Variants in CDH8 observed in about 807,000 individuals in gnomAD.
CDH8 encodes the protein cadherin-8.
A neutral mutation model predicts 68.1 loss-of-function variants in CDH8; 17 were observed. The observed-to-expected ratio is 0.25, with a 90% CI of 0.17 to 0.37. CDH8 has a LOEUF of 0.37. Ranked by LOEUF, CDH8 falls within the 10% of genes least tolerant of loss-of-function variation. The pLI is 1.00. For missense variants in CDH8, 763 were observed against 999.3 expected, an observed-to-expected ratio of 0.76 and a Z score of 3.19; for synonymous variants, 372 against 365.1, an observed-to-expected ratio of 1.02 and a Z score of -0.21.
Position 61,817,645 on chromosome 16 carries a change from GC to G in CDH8, c.1110del (p.Phe372LeufsTer35). On this transcript the variant is annotated frameshift_variant, in exon 7 of 12. Coordinates refer to ENST00000577390, the MANE Select transcript of CDH8 (RefSeq NM_001796.5). LOFTEE classifies it high-confidence loss of function. ...VHIDPRFSGR[G>X]PFKDTATVKI... ...TTGACTGTCGCCGTGTCTTTAAAGG[GC>G]CCCCTGCCACTGAAGCGTGGGTCAA... The G allele has an allele frequency of 6.2e-7, 1 of 1,613,358 alleles. No individual in the cohort carries two copies. Among genetic ancestry groups the G allele is most frequent in the Non-Finnish European group, 8.5e-7 (1 of 1,179,804 alleles).
rs180785025 is a variant in CDH8 at position 61,963,411 on chromosome 16, A to G, written c.252+57741T>C. ...AAATTTATTTCAAAAACAACTTTAT[A>G]TCACCATTGTAACAGCAAACCTGTA... On this transcript the variant is annotated intron_variant, in intron 2 of 11. Coordinates refer to ENST00000577390, the MANE Select transcript of CDH8 (RefSeq NM_001796.5). Among the ~76,000 whole-genome samples the G allele has an allele frequency of 3.3e-4, 51 of 152,356 alleles. No homozygotes were observed. In the East Asian group the frequency reaches 9.4e-3, roughly 28 times the overall value.
At chr16:61,662,071 C>T (rs1207532972) in intron 10 of CDH8, among the ~76,000 whole-genome samples, 47 of 90,258 alleles carry the variant, frequency 5.2e-4, no homozygotes, top group Non-Finnish European at 5.2e-4. Context: ...TTTTTTTTTA[C>T]TTTAGTTTTA....
intron 2 of CDH8, among the ~76,000 whole-genome samples, chr16:61,979,152 AC>A (rs962930554): frequency 6.6e-6 from 1 of 152,090 alleles, no homozygotes; most frequent in African/African-American, 2.4e-5. Context: ...TAAGGTAGGC[AC>A]TCCAATAAAT....
chr16:61,981,736 C>T (rs180814380), intron 2 of CDH8, among the ~76,000 whole-genome samples: 9 of 151,908 alleles, frequency 5.9e-5, no homozygotes, highest in African/African-American at 2.2e-4. Context: ...GGATTCCTGG[C>T]AGATGTGGGA....
At chr16:61,809,869 C>T (rs974234709) in intron 7 of CDH8, among the ~76,000 whole-genome samples, 1 of 152,174 alleles carries the variant, frequency 6.6e-6, no homozygotes, top group African/African-American at 2.4e-5. Flanking sequence ...CCTGTGAAGT[C>T]CTATAGCAAA....
intron 2 of CDH8, among the ~76,000 whole-genome samples, chr16:61,931,415 A>C (rs2143480195): frequency 6.6e-6 from 1 of 152,268 alleles, no homozygotes; most frequent in South Asian, 2.1e-4. Flanking sequence ...GCTTCAAGTG[A>C]TCCTTCCACC....
chr16:61,824,041 T>C (rs1326250607), intron 5 of CDH8, among the ~76,000 whole-genome samples: 2 of 151,876 alleles, frequency 1.3e-5, no homozygotes, highest in African/African-American at 4.8e-5. Context: ...CACTGACAGA[T>C]GAATGGCTAA....
At position 61,817,884 on chromosome 16, in the gene CDH8, T is replaced by C. The variant is rs111256646; in HGVS notation, c.1024-152A>G. ...TCTCCAGTCCCCCAGATTCAACCTG[T>C]AAATTTTATGGGCATTTATTTATGT... is the stretch of plus-strand genomic sequence containing the variant. On this transcript the variant is annotated intron_variant, in intron 6 of 11. Transcript: ENST00000577390. The C allele has an allele frequency of 4.5e-5, 27 of 599,662 alleles. No homozygotes were observed. The African/African-American group carries it at 5.1e-4, about 11-fold the overall frequency. The allele number at this position is 599,662 out of a possible 1,614,324, so 37.1% of individuals were successfully genotyped here.
intron 4 of CDH8, among the ~76,000 whole-genome samples, chr16:61,842,900 G>A (rs1343680200): frequency 2.6e-5 from 4 of 152,128 alleles, no homozygotes; most frequent in Admixed American, 2.6e-4. Flanking sequence ...ATGGTTGCAT[G>A]GAAAAATGAG....
intron 2 of CDH8, among the ~76,000 whole-genome samples, chr16:61,922,315 T>C (rs1567530059): frequency 6.6e-6 from 1 of 152,158 alleles, no homozygotes; most frequent in African/African-American, 2.4e-5. Context: ...TAAAAAACAA[T>C]CACCTTCTAA....
At chr16:61,979,820 G>A (rs1457832834) in intron 2 of CDH8, among the ~76,000 whole-genome samples, 3 of 152,188 alleles carry the variant, frequency 2.0e-5, no homozygotes, top group Middle Eastern at 3.4e-3. Flanking sequence ...CAGATACTGC[G>A]ATACTTATTG....
chr16:62,010,011 T>C (rs1262377909), intron 2 of CDH8, among the ~76,000 whole-genome samples: 2 of 152,166 alleles, frequency 1.3e-5, no homozygotes, highest in Non-Finnish European at 2.9e-5. Flanking sequence ...AATTGTGGTG[T>C]ACTTGGTAGC....
At chr16:61,860,668 T>A (rs1214015037) in intron 3 of CDH8, among the ~76,000 whole-genome samples, 1 of 146,226 alleles carries the variant, frequency 6.8e-6, no homozygotes, top group Non-Finnish European at 1.5e-5. Context: ...ATATTCAGTA[T>A]GATATTAAGT....
intron 2 of CDH8, among the ~76,000 whole-genome samples, chr16:61,946,236 G>T (rs1964799398): frequency 1.3e-5 from 2 of 152,090 alleles, no homozygotes; most frequent in Admixed American, 1.3e-4. Flanking sequence ...TCCTCTAGTG[G>T]TTCTTTTGCT....
intron 2 of CDH8, among the ~76,000 whole-genome samples, chr16:61,998,894 A>G (rs1392016182): frequency 4.6e-5 from 7 of 152,198 alleles, no homozygotes; most frequent in East Asian, 3.9e-4. Flanking sequence ...TAAAATCAAT[A>G]CAGAGGGGAA....
intron 2 of CDH8, among the ~76,000 whole-genome samples, chr16:61,997,757 A>G (rs1211105726): frequency 6.6e-6 from 1 of 152,176 alleles, no homozygotes; most frequent in Non-Finnish European, 1.5e-5. Context: ...CATCACTTCT[A>G]CAGGGTTTTT....
chr16:61,976,772 A>G (rs1246662572), intron 2 of CDH8, among the ~76,000 whole-genome samples: 1 of 152,188 alleles, frequency 6.6e-6, no homozygotes, highest in East Asian at 1.9e-4. Flanking sequence ...TGGTGGAGAC[A>G]CTAATTGCAA....
chr16:61,776,588 G>A (rs1567465224), intron 8 of CDH8, among the ~76,000 whole-genome samples: 2 of 152,118 alleles, frequency 1.3e-5, no homozygotes, highest in African/African-American at 4.8e-5. Context: ...AAAGTGATAT[G>A]TTCCTGAACA....
chr16:61,789,458 G>A lies in CDH8; in HGVS notation c.1302C>T (p.Asp434=). 1 of 1,612,854 alleles carries A rather than the reference G, an allele frequency of 6.2e-7. No homozygotes were observed. The highest frequency in any genetic ancestry group is 1.1e-5 in the South Asian group (1 of 91,018). The change falls in exon 8 of 12, where the codon GAC becomes GAT. Residue 434 remains aspartate (D), a synonymous_variant. Coordinates refer to ENST00000577390, the MANE Select transcript of CDH8 (RefSeq NM_001796.5). ...PIRFSIDRHT[D]LERQFNINAD... is the part of the protein sequence containing the mutation. Reference sequence around the variant, plus strand: ...CATTAATGTTGAACTGCCTCTCCAGGTCAGTGTGCCGGTCGATGGAAAACC... The same window carrying A: ...CATTAATGTTGAACTGCCTCTCCAGATCAGTGTGCCGGTCGATGGAAAACC...
Sources: gnomAD v4.1 joint callset for allele counts (sites outside exome capture counted in the v4.1 genomes callset) on GRCh38, gnomAD v4.1.1 for gene constraint, MANE v1.5 for transcripts, NCBI Gene and HGNC (gene_info 2026-07-23, HGNC 2026-07-21) for gene names.